Variants in ZNF423 observed in about 807,000 individuals in gnomAD.
ZNF423 encodes zinc finger protein 423, also known as Ebf-associated zinc finger protein.
In ZNF423, 12 loss-of-function variants were observed where a neutral mutation model predicts 95.8. The ratio of observed to expected loss-of-function variants is 0.13; its 90% CI spans 0.08 to 0.20. ZNF423 has a LOEUF of 0.20. ZNF423 is among the 10% of genes least tolerant of loss of function. The pLI is 1.00. For missense variants in ZNF423, 1,316 were observed against 1,737.1 expected, an observed-to-expected ratio of 0.76 and a Z score of 4.31; for synonymous variants, 749 against 711.9, an observed-to-expected ratio of 1.05 and a Z score of -0.83.
At position 49,489,508 on chromosome 16, in the gene ZNF423, A is replaced by C. The variant is rs1271476220; in HGVS notation, c.*1767T>G. 1 of 152,246 alleles carries C rather than the reference A, an allele frequency of 6.6e-6. No homozygotes were observed. The highest frequency in any genetic ancestry group is 2.4e-5 in the African/African-American group (1 of 41,464). 9.4% of individuals were successfully genotyped at this position (152,246 alleles called of 1,614,324 possible). A position where few individuals can be genotyped will look rare whatever the true frequency, so the allele number is the denominator to read the frequency against. ...GCAGGGTCTGCTCTATGATTCACAT[A>C]TGTAAGATGCCTTTTGAAAAACTGA... On this transcript the variant is annotated 3_prime_UTR_variant, in exon 8 of 8. Coordinates refer to ENST00000563137, the MANE Select transcript of ZNF423 (RefSeq NM_001379286.1).
chr16:49,541,726 C>T (rs750684182), intron 5 of ZNF423, among the ~76,000 whole-genome samples: 2 of 152,054 alleles, frequency 1.3e-5, no homozygotes, highest in Non-Finnish European at 2.9e-5. Context: ...GGGGCAGTTC[C>T]CCCCATGCTG....
intron 3 of ZNF423, among the ~76,000 whole-genome samples, chr16:49,665,229 C>A (rs909224101): frequency 2.0e-5 from 3 of 152,236 alleles, no homozygotes; most frequent in Non-Finnish European, 4.4e-5. Context: ...TAGATGTCAC[C>A]CACACATCCT....
In ZNF423 at chr16:49,562,880, GC is replaced by G. The variant is rs1250398266; in HGVS notation, c.3602-37387del. Among the ~76,000 whole-genome samples the G allele has an allele frequency of 3.9e-5, 6 of 152,112 alleles. 1 individual carries two copies. Among genetic ancestry groups the G allele is most frequent in the Non-Finnish European group, 8.8e-5 (6 of 68,034 alleles). Reference sequence around the variant, plus strand: ...TGCAACCTCCACCTCCTGGGTTCAAGCGATTCTCCTGCCTCAGCCTCCCGAG... The same window carrying G: ...TGCAACCTCCACCTCCTGGGTTCAAGGATTCTCCTGCCTCAGCCTCCCGAG... On this transcript the variant is annotated intron_variant, in intron 5 of 7. Transcript: ENST00000563137.
chr16:49,549,355 T>A (rs953355298), intron 5 of ZNF423, among the ~76,000 whole-genome samples: 2 of 152,100 alleles, frequency 1.3e-5, no homozygotes, highest in African/African-American at 2.4e-5. Context: ...CAGACAAAGG[T>A]CCCATCCGGC....
At chr16:49,602,921 A>G (rs1971422840) in intron 5 of ZNF423, among the ~76,000 whole-genome samples, 1 of 152,250 alleles carries the variant, frequency 6.6e-6, no homozygotes, top group Non-Finnish European at 1.5e-5. Context: ...CCCAAAGGTT[A>G]ACAGCGGAGC....
chr16:49,761,033 CACATGCACACACAT>C (rs1231576265), intron 2 of ZNF423, among the ~76,000 whole-genome samples: 1 of 134,764 alleles, frequency 7.4e-6, no homozygotes, highest in Non-Finnish European at 1.5e-5. Flanking sequence ...CACGTACACA[CACATGCACACACAT>C]ACATGCACAC....
At chr16:49,850,342 A>G (rs1252982241) in intron 1 of ZNF423, among the ~76,000 whole-genome samples, 1 of 152,198 alleles carries the variant, frequency 6.6e-6, no homozygotes, top group Non-Finnish European at 1.5e-5. Flanking sequence ...ACCCGCTAAC[A>G]TGTCCATGCA....
In ZNF423 at chr16:49,760,729, C is replaced by T. The variant is rs191822322; in HGVS notation, c.100+28758G>A. On this transcript the variant is annotated intron_variant, in intron 2 of 7. Coordinates refer to ENST00000563137, the MANE Select transcript of ZNF423 (RefSeq NM_001379286.1). ...AGGGAGGGCTTCCCAGAGGAGGGGA[C>T]CTGGACCTGACTCTTGATTGAAAAG... Among the ~76,000 whole-genome samples, 50 of 152,090 alleles carry T rather than the reference C, an allele frequency of 3.3e-4. No homozygotes were observed. The East Asian group carries it at 8.4e-3, about 25-fold the overall frequency.
intron 5 of ZNF423, among the ~76,000 whole-genome samples, chr16:49,535,705 T>C (rs1296040811): frequency 6.6e-6 from 1 of 152,144 alleles, no homozygotes; most frequent in African/African-American, 2.4e-5. Context: ...CATCCCCTTT[T>C]ACCTGTAAAG....
rs1316308179 is a variant in ZNF423 at position 49,573,559 on chromosome 16, T to G, written c.3602-48065A>C. ...CATGGCAAGAGGACAAGTGTGTGCC[T>G]GTCTACTCAGGTCTCTCCTCTTCTG... On this transcript the variant is annotated intron_variant, in intron 5 of 7. Transcript: ENST00000563137. Among the ~76,000 whole-genome samples, 3 of 152,186 alleles carry G rather than the reference T, an allele frequency of 2.0e-5. No individual in the cohort carries two copies. The East Asian group carries it at 5.8e-4, about 29-fold the overall frequency.
At chr16:49,592,244 T>G (rs540281197) in intron 5 of ZNF423, among the ~76,000 whole-genome samples, 1 of 152,360 alleles carries the variant, frequency 6.6e-6, no homozygotes, top group East Asian at 1.9e-4. Context: ...CAGTTTTCCC[T>G]GGGAGGTGAG....
chr16:49,523,036 T>G (rs1291085653), intron 7 of ZNF423, among the ~76,000 whole-genome samples: 1 of 152,156 alleles, frequency 6.6e-6, no homozygotes, highest in African/African-American at 2.4e-5. Flanking sequence ...ACCAGCTTCC[T>G]TTCCCAAGGT....
intron 1 of ZNF423, among the ~76,000 whole-genome samples, chr16:49,813,442 G>A (rs752703483): frequency 1.3e-5 from 2 of 152,102 alleles, no homozygotes; most frequent in East Asian, 1.9e-4. Context: ...CTGAGGAACC[G>A]CCCCTAACCC....
intron 5 of ZNF423, among the ~76,000 whole-genome samples, chr16:49,605,688 C>T (rs781163499): frequency 6.6e-6 from 1 of 152,136 alleles, no homozygotes; most frequent in African/African-American, 2.4e-5. Context: ...GTGAGCTGGG[C>T]GAGGTGGCTT....
intron 1 of ZNF423, among the ~76,000 whole-genome samples, chr16:49,852,049 G>A (rs1240029974): frequency 6.6e-6 from 1 of 152,128 alleles, no homozygotes; most frequent in African/African-American, 2.4e-5. Flanking sequence ...CAGCTGAATC[G>A]AGAAACCTGT....
rs549608300 is a variant in ZNF423, at chr16:49,495,917, C to T, written c.3850-4613G>A. ...GACCCTGCCTGGTCTCCCTTTGATACCTATCCATCACCATGTCAAGTGGGA... is the reference window on the plus strand; with the variant it reads ...GACCCTGCCTGGTCTCCCTTTGATATCTATCCATCACCATGTCAAGTGGGA... On this transcript the variant is annotated intron_variant, in intron 7 of 7. Coordinates refer to ENST00000563137, the MANE Select transcript of ZNF423 (RefSeq NM_001379286.1). Among the ~76,000 whole-genome samples the T allele has an allele frequency of 1.2e-3, 188 of 152,334 alleles. 1 individual carries two copies. Among genetic ancestry groups the T allele is most frequent in the Admixed American group, 2.2e-3 (33 of 15,298 alleles).
intron 3 of ZNF423, among the ~76,000 whole-genome samples, chr16:49,688,693 C>A (rs2031663807): frequency 6.6e-6 from 1 of 152,322 alleles, no homozygotes; most frequent in South Asian, 2.1e-4. Context: ...CATCCACAAA[C>A]AATGGAAGAT....
chr16:49,658,659 C>T (rs2151911876), intron 3 of ZNF423, among the ~76,000 whole-genome samples: 1 of 152,358 alleles, frequency 6.6e-6, no homozygotes, highest in South Asian at 2.1e-4. Context: ...AGCCACCTGG[C>T]CCTGGACCAC....
chr16:49,678,796 G>T (rs1056044425), intron 3 of ZNF423, among the ~76,000 whole-genome samples: 8 of 152,240 alleles, frequency 5.3e-5, no homozygotes, highest in African/African-American at 1.9e-4. Context: ...GGGTGCCACA[G>T]CACACAGTTT....
Sources: gnomAD v4.1 joint callset for allele counts (sites outside exome capture counted in the v4.1 genomes callset) on GRCh38, gnomAD v4.1.1 for gene constraint, MANE v1.5 for transcripts, NCBI Gene and HGNC (gene_info 2026-07-23, HGNC 2026-07-21) for gene names.